The following DEAF1 variants were observed in gnomAD, a reference collection of about 807,000 sequenced individuals.
DEAF1 encodes the protein DEAF1 transcription factor, also known as deformed epidermal autoregulatory factor 1 homolog.
In DEAF1, 53 loss-of-function variants were observed where a neutral mutation model predicts 58.9. The ratio of observed to expected loss-of-function variants is 0.90; its 90% CI spans 0.72 to 1.13. The LOEUF (loss-of-function observed/expected upper bound fraction) is 1.13, where lower values mean the gene tolerates loss of function less well. DEAF1 is among the 50% of genes most tolerant of loss of function. The pLI is 0.00. For missense variants in DEAF1, 685 were observed against 791.4 expected, an observed-to-expected ratio of 0.87 and a Z score of 1.61; for synonymous variants, 385 against 340.4, an observed-to-expected ratio of 1.13 and a Z score of -1.44.
intron 5 of DEAF1, 24 bp downstream of exon 5, chr11:686,834 C>T: frequency 6.2e-7 from 1 of 1,613,860 alleles, no homozygotes; most frequent in Non-Finnish European, 8.5e-7. Flanking sequence ...GTGTGCTGAG[C>T]ACAGGTGAGG....
intron 10 of DEAF1, among the ~76,000 whole-genome samples, chr11:663,994 C>T (rs552758155): frequency 2.6e-5 from 4 of 152,268 alleles, no homozygotes; most frequent in African/African-American, 4.8e-5. Flanking sequence ...GGGCGGATCA[C>T]GTGAGGCTGG....
chr11:664,232 A>G (rs1859438776), intron 10 of DEAF1, among the ~76,000 whole-genome samples: 1 of 152,080 alleles, frequency 6.6e-6, no homozygotes, highest in Admixed American at 6.5e-5. Flanking sequence ...AAGAAAAAGA[A>G]AAAAAAGAAA....
chr11:655,698 G>A (rs906748058), intron 10 of DEAF1, among the ~76,000 whole-genome samples: 3 of 152,166 alleles, frequency 2.0e-5, no homozygotes, highest in Non-Finnish European at 4.4e-5. Context: ...CTTCGCAAAC[G>A]TGATCTTTAA....
At chr11:681,120 T>A (rs1167121460) in intron 6 of DEAF1, 31 bp from the exon 7 acceptor site, 2 of 1,613,202 alleles carry the variant, frequency 1.2e-6, no homozygotes, top group Admixed American at 3.3e-5. Context: ...GCCACCACCT[T>A]CATGTGTGCA....
upstream of DEAF1, among the ~76,000 whole-genome samples, chr11:697,127 G>A (rs1861226479): frequency 1.5e-5 from 2 of 135,290 alleles, no homozygotes; most frequent in South Asian, 4.9e-4. Context: ...ACCTCAGGGA[G>A]CCTGTGGTCC....
At chr11:703,376 C>T (rs553536477) in intron 1 of DEAF1, 2 of 1,380,224 alleles carry the variant, frequency 1.4e-6, no homozygotes, top group East Asian at 5.4e-5. Context: ...AGGGTAGGGA[C>T]CAGACAGAAC....
intron 11 of DEAF1, among the ~76,000 whole-genome samples, chr11:649,421 A>T (rs1858656285): frequency 8.4e-6 from 1 of 119,622 alleles, no homozygotes; most frequent in Non-Finnish European, 1.9e-5. Flanking sequence ...GACCCCACTT[A>T]AAAAAAAAAA....
intron 10 of DEAF1, among the ~76,000 whole-genome samples, chr11:661,570 C>CCA (rs1859321497): frequency 6.6e-6 from 1 of 151,898 alleles, no homozygotes; most frequent in Admixed American, 6.6e-5. Flanking sequence ...ATTAGCCAGG[C>CCA]GTGGTGGCAA....
intron 1 of DEAF1, 64 bp downstream of exon 1, chr11:694,695 G>A: frequency 1.6e-6 from 2 of 1,271,240 alleles, no homozygotes; most frequent in Non-Finnish European, 2.0e-6. Context: ...CAGTTGTGCG[G>A]GGCAGGCGCG....
chr11:645,208 C>G (rs1363072364), intron 11 of DEAF1, among the ~76,000 whole-genome samples: 1 of 151,230 alleles, frequency 6.6e-6, no homozygotes, highest in Non-Finnish European at 1.5e-5. Context: ...GTAAGACTCT[C>G]CAAACCAGTT....
intron 11 of DEAF1, among the ~76,000 whole-genome samples, chr11:646,091 A>G (rs1439640701): frequency 6.6e-6 from 1 of 151,868 alleles, no homozygotes; most frequent in African/African-American, 2.4e-5. Flanking sequence ...CATCTCTACT[A>G]AAAATACAAA....
chr11:670,632 T>G (rs1859769774), intron 10 of DEAF1, among the ~76,000 whole-genome samples: 1 of 151,628 alleles, frequency 6.6e-6, no homozygotes, highest in African/African-American at 2.4e-5. Flanking sequence ...CAAGAATCGC[T>G]TGAACCTGGG....
At chr11:666,873 C>CAAAAAAAAA (rs532628897) in intron 10 of DEAF1, among the ~76,000 whole-genome samples, 231 of 60,020 alleles carry the variant, frequency 3.8e-3, no homozygotes, top group African/African-American at 5.1e-3. Flanking sequence ...ACTCTGTCTC[C>CAAAAAAAAA]AAAAAAAAAA....
intron 10 of DEAF1, among the ~76,000 whole-genome samples, chr11:666,984 AGT>A (rs1859566144): frequency 6.6e-6 from 1 of 151,666 alleles, no homozygotes; most frequent in African/African-American, 2.4e-5. Context: ...GGGTTGCTTG[AGT>A]CCAGGAGTTC....
intron 11 of DEAF1, among the ~76,000 whole-genome samples, chr11:649,830 A>G (rs796454610): frequency 2.0e-5 from 3 of 152,152 alleles, no homozygotes; most frequent in African/African-American, 7.2e-5. Flanking sequence ...GTTCGAGACC[A>G]GCCTTGCCAA....
rs1351280133 is a variant in DEAF1 at position 688,296 on chromosome 11, T to A, written c.517+35A>T. On this transcript the variant is annotated intron_variant, in intron 3 of 11. Transcript: ENST00000382409. This position sits in a 1 kb window ranked among gnomAD's most constrained non-coding sequence, Gnocchi z 4.3. ...AAATTCTAGCTATTCTGAAACGTGT[T>A]TTGCCCGAGGCCTGGGGTGCAGGCA... 6 of 1,606,666 alleles carry A rather than the reference T, an allele frequency of 3.7e-6. No individual in the cohort carries two copies. Among genetic ancestry groups the A allele is most frequent in the Non-Finnish European group, 5.1e-6 (6 of 1,176,644 alleles).
chr11:646,388 G>C (rs977274248), intron 11 of DEAF1: 18 of 152,378 alleles, frequency 1.2e-4, no homozygotes, highest in African/African-American at 4.1e-4. Context: ...CTCCACTCTG[G>C]GGCAACCAGG....
At chr11:658,960 G>C (rs72844742) in intron 10 of DEAF1, among the ~76,000 whole-genome samples, 1,934 of 152,284 alleles carry the variant, frequency 0.013, 15 homozygotes, top group Non-Finnish European at 0.017. Flanking sequence ...AGATAACAAA[G>C]CCACTCCTTC....
intron 2 of DEAF1, among the ~76,000 whole-genome samples, 178 bp downstream of exon 2, chr11:691,323 T>C (rs1444092308): frequency 6.6e-6 from 1 of 152,100 alleles, no homozygotes; most frequent in African/African-American, 2.4e-5. Context: ...AGCTGTAATT[T>C]CTCCCACCTC....
Sources: allele counts gnomAD v4.1 joint callset (sites outside exome capture counted in the v4.1 genomes callset), GRCh38; gene constraint gnomAD v4.1.1; non-coding constraint Gnocchi (gnomAD v3.1); transcripts MANE v1.5; gene names NCBI Gene and HGNC (gene_info 2026-07-23, HGNC 2026-07-21).